The following NAALADL2 variants were observed in gnomAD, a reference collection of about 807,000 sequenced individuals.
NAALADL2 encodes inactive N-acetylated-alpha-linked acidic dipeptidase-like protein 2.
A neutral mutation model predicts 87.2 loss-of-function variants in NAALADL2; 76 were observed. That is an observed-to-expected ratio of 0.87 (90% CI 0.72 to 1.05). The LOEUF is 1.05. NAALADL2 is among the 50% of genes least tolerant of loss of function. The probability of loss-of-function intolerance (pLI) is 0.00; values close to 1 mark genes in which losing one functional copy is unlikely to be tolerated. For synonymous variants in NAALADL2, 354 were observed against 331.0 expected, an observed-to-expected ratio of 1.07 and a Z score of -0.75; for missense variants, 1,089 against 945.8, an observed-to-expected ratio of 1.15 and a Z score of -1.99.
At chr3:175,023,261 TAAGA>T (rs1031213474) in intron 1 of NAALADL2, among the ~76,000 whole-genome samples, 2 of 152,078 alleles carry the variant, frequency 1.3e-5, no homozygotes, top group African/African-American at 4.8e-5. Context: ...AAATAGTATG[TAAGA>T]GAGTTTTAAA....
At chr3:174,636,211 A>G (rs1049560607) in intron 2 of NAALADL2, among the ~76,000 whole-genome samples, 13 of 152,204 alleles carry the variant, frequency 8.5e-5, no homozygotes, top group Non-Finnish European at 1.9e-4. Flanking sequence ...GGACTGAAAC[A>G]TAATACCTGA....
chr3:175,141,403 G>A (rs879775253), intron 2 of NAALADL2, among the ~76,000 whole-genome samples: 20 of 152,030 alleles, frequency 1.3e-4, no homozygotes, highest in Non-Finnish European at 2.1e-4. Context: ...TGAAGCAAGA[G>A]ATAAATTCAA....
chr3:174,649,569 CTA>C (rs1724149334), intron 2 of NAALADL2, among the ~76,000 whole-genome samples: 1 of 151,964 alleles, frequency 6.6e-6, no homozygotes. Flanking sequence ...ATTTCTAAGA[CTA>C]TGTATCAGAT....
intron 13 of NAALADL2, among the ~76,000 whole-genome samples, chr3:175,799,274 ATAG>A (rs1299707131): frequency 6.6e-6 from 1 of 152,112 alleles, no homozygotes; most frequent in Non-Finnish European, 1.5e-5. Flanking sequence ...TTTTTTAATT[ATAG>A]TAGTTTATTC....
chr3:175,749,689 C>A lies in NAALADL2; in HGVS notation c.1991-5531C>A, dbSNP rs1197485349. 2.0e-5 allele frequency among the ~76,000 whole-genome samples: 3 copies of A among 152,188 alleles called. No individual in the cohort carries two copies. The East Asian group carries it at 5.8e-4, about 29-fold the overall frequency. The stretch of plus-strand genomic sequence containing the variant: ...CATTACACTGACAATTAATTTTCAA[C>A]ATGAGTTTTGGAGAGGACAAACTTA... On this transcript the variant is annotated intron_variant, in intron 12 of 13. Coordinates refer to ENST00000454872, the MANE Select transcript of NAALADL2 (RefSeq NM_207015.3).
At chr3:174,799,611 T>A (rs1718566723) in intron 3 of NAALADL2, among the ~76,000 whole-genome samples, 1 of 152,216 alleles carries the variant, frequency 6.6e-6, no homozygotes, top group Non-Finnish European at 1.5e-5. Flanking sequence ...GTCTTTGATA[T>A]GTCTTTATCA....
At chr3:175,574,219 G>A (rs1431191033) in intron 9 of NAALADL2, among the ~76,000 whole-genome samples, 1 of 152,130 alleles carries the variant, frequency 6.6e-6, no homozygotes, top group African/African-American at 2.4e-5. Context: ...AGGAAAAGTG[G>A]GGAGCTTTAT....
intron 3 of NAALADL2, among the ~76,000 whole-genome samples, chr3:174,745,298 C>T (rs1257609976): frequency 2.6e-5 from 4 of 151,914 alleles, no homozygotes; most frequent in African/African-American, 9.7e-5. Flanking sequence ...ACAACCATCA[C>T]AGAATACTAT....
At chr3:174,495,969 T>C (rs563839480) in intron 1 of NAALADL2, among the ~76,000 whole-genome samples, 17 of 152,312 alleles carry the variant, frequency 1.1e-4, no homozygotes, top group Non-Finnish European at 1.8e-4. Context: ...TGGATCTGTA[T>C]ACACTGAACT....
At chr3:175,212,657 G>A (rs1342053700) in intron 2 of NAALADL2, among the ~76,000 whole-genome samples, 1 of 143,218 alleles carries the variant, frequency 7.0e-6, no homozygotes, top group Non-Finnish European at 1.5e-5. Context: ...TCCTCCCTTT[G>A]TCTCTGTTTT....
intron 9 of NAALADL2, among the ~76,000 whole-genome samples, chr3:175,569,914 TTG>T (rs5854642): frequency 3.3e-5 from 5 of 149,862 alleles, no homozygotes; most frequent in African/African-American, 4.9e-5. Context: ...CTATATGAAT[TTG>T]TGTGTGTGTG....
chr3:175,393,273 T>C (rs1236375043), intron 5 of NAALADL2, among the ~76,000 whole-genome samples: 6 of 71,018 alleles, frequency 8.4e-5, no homozygotes, highest in Non-Finnish European at 1.4e-4. Flanking sequence ...AGAGCGAGAC[T>C]CCGTCTCAAA....
At chr3:175,692,526 G>T (rs748235852) in intron 11 of NAALADL2, among the ~76,000 whole-genome samples, 1 of 152,138 alleles carries the variant, frequency 6.6e-6, no homozygotes, top group South Asian at 2.1e-4. Context: ...TCAGGACATG[G>T]CATTATCCTA....
chr3:174,703,931 T>C (rs543591487), intron 2 of NAALADL2, among the ~76,000 whole-genome samples: 11 of 152,292 alleles, frequency 7.2e-5, no homozygotes, highest in African/African-American at 2.6e-4. Context: ...AGTCTGTGCA[T>C]GCTCTAGGCT....
intron 1 of NAALADL2, among the ~76,000 whole-genome samples, chr3:175,003,342 A>G (rs1748498495): frequency 6.6e-6 from 1 of 151,810 alleles, no homozygotes; most frequent in Non-Finnish European, 1.5e-5. Flanking sequence ...GTGTGGTGAG[A>G]CCATGTCTCT....
At chr3:175,091,717 T>A (rs1200158890) in intron 1 of NAALADL2, among the ~76,000 whole-genome samples, 1 of 152,040 alleles carries the variant, frequency 6.6e-6, no homozygotes, top group African/African-American at 2.4e-5. Context: ...CAGAATTCTT[T>A]ACGATGGAAA....
intron 10 of NAALADL2, among the ~76,000 whole-genome samples, chr3:175,614,288 T>G (rs1396818928): frequency 6.6e-6 from 1 of 152,164 alleles, no homozygotes; most frequent in Non-Finnish European, 1.5e-5. Flanking sequence ...CTTGAACTCA[T>G]GATCTGCCCG....
intron 9 of NAALADL2, among the ~76,000 whole-genome samples, chr3:175,474,047 C>T (rs1725284531): frequency 6.6e-6 from 1 of 152,158 alleles, no homozygotes; most frequent in South Asian, 2.1e-4. Flanking sequence ...TCCCTTTTCA[C>T]CACAATCTAT....
At chr3:174,822,921 TAGAA>T (rs1169243067) in intron 3 of NAALADL2, among the ~76,000 whole-genome samples, 2 of 152,188 alleles carry the variant, frequency 1.3e-5, no homozygotes, top group African/African-American at 2.4e-5. Context: ...CTATTTGCAA[TAGAA>T]AGACACATTC....
Sources: allele counts gnomAD v4.1 joint callset (sites outside exome capture counted in the v4.1 genomes callset), GRCh38; gene constraint gnomAD v4.1.1; transcripts MANE v1.5; gene names NCBI Gene and HGNC (gene_info 2026-07-23, HGNC 2026-07-21).